The following GALNT13 variants were observed in gnomAD, a reference collection of about 807,000 sequenced individuals.
GALNT13 encodes the protein polypeptide N-acetylgalactosaminyltransferase 13, also known as UDP-GalNAc:polypeptide N-acetylgalactosaminyltransferase 13.
A neutral mutation model predicts 64.2 loss-of-function variants in GALNT13; 28 were observed. The observed-to-expected ratio is 0.44, with a 90% CI of 0.32 to 0.60. The LOEUF (loss-of-function observed/expected upper bound fraction) is 0.60. Among genes scored for constraint, GALNT13 ranks in the 20% least tolerant of loss-of-function variants. GALNT13 has a pLI of 0.05. For missense variants in GALNT13, 577 were observed against 669.8 expected, an observed-to-expected ratio of 0.86 and a Z score of 1.53; for synonymous variants, 214 against 224.6, an observed-to-expected ratio of 0.95 and a Z score of 0.42.
chr2:153,299,390 G>C, the GALNT13 span, among the ~76,000 whole-genome samples: 7 of 152,152 alleles, frequency 4.6e-5, no homozygotes, highest in Admixed American at 6.6e-5. Flanking sequence ...AAAAGAATGG[G>C]TGGGGCTTAT....
chr2:154,342,621 A>G (rs1402880429), intron 9 of GALNT13, among the ~76,000 whole-genome samples: 2 of 152,080 alleles, frequency 1.3e-5, no homozygotes, highest in Non-Finnish European at 2.9e-5. Flanking sequence ...ATTACAACAC[A>G]CATGCTTATT....
chr2:153,463,938 G>A, the GALNT13 span, among the ~76,000 whole-genome samples: 3 of 152,088 alleles, frequency 2.0e-5, no homozygotes, highest in African/African-American at 4.8e-5. Context: ...TTCCCTGGAA[G>A]AGGAAAGTTT....
chr2:153,090,514 C>T, the GALNT13 span, among the ~76,000 whole-genome samples: 13 of 152,230 alleles, frequency 8.5e-5, no homozygotes, highest in African/African-American at 3.1e-4. Context: ...GTGTTGTCTT[C>T]TCCTTCCTGG....
the GALNT13 span, among the ~76,000 whole-genome samples, chr2:153,231,684 T>C: frequency 6.6e-6 from 1 of 152,228 alleles, no homozygotes; most frequent in Non-Finnish European, 1.5e-5. Flanking sequence ...TTTATTATTC[T>C]CTTAGCAAAG....
chr2:154,298,696 T>A (rs1345975839), intron 8 of GALNT13, among the ~76,000 whole-genome samples: 24 of 85,576 alleles, frequency 2.8e-4, no homozygotes, highest in African/African-American at 7.1e-4. Flanking sequence ...TATATATACA[T>A]TGTATATACA....
At chr2:154,102,653 C>T (rs997893533) in intron 3 of GALNT13, among the ~76,000 whole-genome samples, 1 of 151,956 alleles carries the variant, frequency 6.6e-6, no homozygotes, top group Non-Finnish European at 1.5e-5. Flanking sequence ...CCAAACATGA[C>T]GTGTTCCCCA....
At chr2:154,295,020 G>C (rs1339252061) in intron 8 of GALNT13, among the ~76,000 whole-genome samples, 1 of 152,078 alleles carries the variant, frequency 6.6e-6, no homozygotes, top group Non-Finnish European at 1.5e-5. Context: ...CCCTGATATT[G>C]GCAGAGAACC....
In GALNT13 at chr2:154,035,602, CAG is replaced by C. The variant is rs528227768; in HGVS notation, c.142+90964_142+90965del. Reference sequence around the variant, plus strand: ...GATTTAATTTTTAAATACACTTAAACAGTATGTTAGATTAGCAAAGGCAGAAA... The same window carrying C: ...GATTTAATTTTTAAATACACTTAAACTATGTTAGATTAGCAAAGGCAGAAA... On this transcript the variant is annotated intron_variant, in intron 3 of 12. Coordinates refer to ENST00000392825, the MANE Select transcript of GALNT13 (RefSeq NM_052917.4). Among the ~76,000 whole-genome samples the C allele has an allele frequency of 2.4e-4, 36 of 152,062 alleles. No individual in the cohort carries two copies. In the East Asian group the frequency reaches 6.6e-3, roughly 28 times the overall value.
intron 12 of GALNT13, among the ~76,000 whole-genome samples, chr2:154,441,412 A>G (rs1207902689): frequency 1.3e-5 from 2 of 152,118 alleles, no homozygotes; most frequent in Non-Finnish European, 2.9e-5. Flanking sequence ...CAAGGACAAA[A>G]TTATTCTTTG....
At chr2:154,121,267 G>T (rs553904690) in intron 3 of GALNT13, among the ~76,000 whole-genome samples, 26 of 152,246 alleles carry the variant, frequency 1.7e-4, no homozygotes, top group Non-Finnish European at 3.4e-4. Flanking sequence ...ACTTTCTGTT[G>T]GGGGTGGGGA....
the GALNT13 span, among the ~76,000 whole-genome samples, chr2:153,355,453 A>G: frequency 6.6e-6 from 1 of 152,168 alleles, no homozygotes; most frequent in African/African-American, 2.4e-5. Context: ...CTTTTGGTAG[A>G]ACACAAATGC....
the GALNT13 span, among the ~76,000 whole-genome samples, chr2:153,720,624 A>C: frequency 6.6e-6 from 1 of 151,814 alleles, no homozygotes; most frequent in Non-Finnish European, 1.5e-5. Flanking sequence ...AAAGGAGCTG[A>C]TCGAGCTGAA....
the GALNT13 span, among the ~76,000 whole-genome samples, chr2:153,527,696 A>G: frequency 6.6e-6 from 1 of 152,176 alleles, no homozygotes. Context: ...ATGAACCAAT[A>G]AAAAACAATA....
At chr2:154,079,609 CCT>C (rs1701167715) in intron 3 of GALNT13, among the ~76,000 whole-genome samples, 1 of 151,416 alleles carries the variant, frequency 6.6e-6, no homozygotes, top group Non-Finnish European at 1.5e-5. Flanking sequence ...ATCTTGTACC[CCT>C]TTCCCTTTAT....
the GALNT13 span, among the ~76,000 whole-genome samples, chr2:153,438,141 T>G: frequency 6.6e-6 from 1 of 152,338 alleles, no homozygotes; most frequent in East Asian, 1.9e-4. Flanking sequence ...TTTAAGAATG[T>G]TGAATATTGG....
intron 12 of GALNT13, 148 bp downstream of exon 12, chr2:154,438,874 G>C: frequency 1.7e-6 from 1 of 594,188 alleles, no homozygotes. Flanking sequence ...GTAATATTAG[G>C]ATGGCATATC....
At chr2:154,148,696 A>T (rs930345434) in intron 4 of GALNT13, among the ~76,000 whole-genome samples, 2 of 152,066 alleles carry the variant, frequency 1.3e-5, no homozygotes, top group African/African-American at 4.8e-5. Flanking sequence ...GCATTTTTTC[A>T]TGTGTCTTTT....
chr2:154,373,227 A>T (rs1311405563), intron 9 of GALNT13, among the ~76,000 whole-genome samples: 1 of 152,166 alleles, frequency 6.6e-6, no homozygotes, highest in Non-Finnish European at 1.5e-5. Context: ...CAGTGTGAGG[A>T]AACACTATTT....
the GALNT13 span, among the ~76,000 whole-genome samples, chr2:153,674,045 TAAAAG>T: frequency 3.9e-5 from 6 of 152,048 alleles, no homozygotes; most frequent in African/African-American, 1.5e-4. Context: ...CTCAATGAAA[TAAAAG>T]AGGGCACAAA....
Sources: allele counts gnomAD v4.1 joint callset (sites outside exome capture counted in the v4.1 genomes callset), GRCh38; gene constraint gnomAD v4.1.1; transcripts MANE v1.5; gene names NCBI Gene and HGNC (gene_info 2026-07-23, HGNC 2026-07-21).